Variants in DYSF observed in about 807,000 individuals in gnomAD.
DYSF encodes the protein dystrophy-associated fer-1-like 1.
DYSF carries 212 observed loss-of-function variants against 274.9 expected under a neutral mutation model. The observed-to-expected ratio is 0.77, with a 90% confidence interval of 0.69 to 0.86. DYSF has a LOEUF of 0.86. Ranked by LOEUF, DYSF falls within the 40% of genes least tolerant of loss-of-function variation. The pLI, the probability that DYSF is intolerant of heterozygous loss-of-function variation, is 0.00. For missense variants in DYSF, 2,666 were observed against 2,783.2 expected (o/e 0.96, Z 0.95); for synonymous variants, 1,091 against 1,078.7 (o/e 1.01, Z -0.22).
chr2:71,608,254 A>G (rs2093680980), intron 36 of DYSF, among the ~76,000 whole-genome samples: 1 of 145,984 alleles, frequency 6.9e-6, no homozygotes, highest in South Asian at 2.1e-4. Context: ...GAGCCTGCAG[A>G]GAGGAGGGCG....
intron 1 of DYSF, among the ~76,000 whole-genome samples, chr2:71,468,948 C>T (rs2081755029): frequency 6.6e-6 from 1 of 152,176 alleles, no homozygotes; most frequent in African/African-American, 2.4e-5. Flanking sequence ...TCCAGGTGTG[C>T]CTGGGAGCTT....
At chr2:71,590,154 A>G in intron 31 of DYSF, 57 bp from the exon 32 acceptor site, 1 of 1,585,674 alleles carries the variant, frequency 6.3e-7, no homozygotes, top group South Asian at 1.1e-5. Context: ...CCCGAGCCCC[A>G]GCTCTTAACC....
At chr2:71,577,937 G>A (rs898411305) in intron 30 of DYSF, among the ~76,000 whole-genome samples, 1 of 152,120 alleles carries the variant, frequency 6.6e-6, no homozygotes, top group Non-Finnish European at 1.5e-5. Context: ...TGGTGGGATG[G>A]GTGAGGCCTC....
Position 71,674,080 on chromosome 2 carries a change from C to T in DYSF, c.5785-117C>T. 4.6e-6 allele frequency: 4 copies of T among 872,988 alleles called. No individual in the cohort carries two copies. In the South Asian group the frequency reaches 5.7e-5, roughly 12 times the overall value. 54.1% of individuals were successfully genotyped at this position (872,988 alleles called of 1,614,324 possible). A position where few individuals can be genotyped will look rare whatever the true frequency, so the allele number is the denominator to read the frequency against. On this transcript the variant is annotated intron_variant, in intron 51 of 55. Coordinates refer to ENST00000410020, the MANE Select transcript of DYSF (RefSeq NM_001130987.2). ...CCCACAGGACCTGGCTCTGGCAGGT[C>T]CCTTGGGGACATCCTACTCCTCTGC...
chr2:71,497,380 G>T (rs2084509708), intron 3 of DYSF, among the ~76,000 whole-genome samples: 1 of 152,126 alleles, frequency 6.6e-6, no homozygotes. Flanking sequence ...GGGACCCAGT[G>T]GTAGGTAATT....
At chr2:71,645,163 C>T (rs2094547671) in intron 42 of DYSF, among the ~76,000 whole-genome samples, 3 of 152,224 alleles carry the variant, frequency 2.0e-5, no homozygotes. Context: ...TGCCTTATCA[C>T]AAGCACAGAG....
At chr2:71,674,158 T>A (rs1477065583) in intron 51 of DYSF, 39 bp from the exon 52 acceptor site, 1 of 1,592,466 alleles carries the variant, frequency 6.3e-7, no homozygotes, top group Admixed American at 1.7e-5. Context: ...TCTCTAACCT[T>A]GCTTCCTTGC....
intron 24 of DYSF, among the ~76,000 whole-genome samples, chr2:71,565,917 C>T (rs2092071579): frequency 6.6e-6 from 1 of 152,228 alleles, no homozygotes; most frequent in Admixed American, 6.5e-5. Context: ...AGCTCCCCTG[C>T]TCTATGCGTG....
At chr2:71,476,208 A>T (rs1453213011) in intron 1 of DYSF, among the ~76,000 whole-genome samples, 1 of 152,118 alleles carries the variant, frequency 6.6e-6, no homozygotes, top group African/African-American at 2.4e-5. Flanking sequence ...ATTTGTACTG[A>T]TGGTACAACA....
rs183385269 is a variant in DYSF at position 71,481,199 on chromosome 2, G to A, written c.147+261G>A. 1.7e-4 allele frequency among the ~76,000 whole-genome samples: 26 copies of A among 152,328 alleles called. 1 individual carries two copies. In the East Asian group the frequency reaches 4.1e-3, roughly 24 times the overall value. On this transcript the variant is annotated intron_variant, in intron 2 of 55. Coordinates refer to ENST00000410020, the MANE Select transcript of DYSF (RefSeq NM_001130987.2). ...CCCAGCTCTGGCCAGCCAGGTAAAG[G>A]GTGCTCAGGGACTCTCTTGCCTGCC...
At chr2:71,529,811 T>C (rs10171267) in intron 14 of DYSF, among the ~76,000 whole-genome samples, 10,823 of 152,306 alleles carry the variant, frequency 0.071, 542 homozygotes, top group African/African-American at 0.14. Flanking sequence ...ATTATCATTC[T>C]TTTTCTCTTG....
chr2:71,664,842 A>G (rs2094965709), intron 46 of DYSF, among the ~76,000 whole-genome samples: 1 of 152,188 alleles, frequency 6.6e-6, no homozygotes, highest in African/African-American at 2.4e-5. Context: ...GTGATGGTTT[A>G]TGTCAGGGGA....
intron 1 of DYSF, among the ~76,000 whole-genome samples, chr2:71,480,189 G>A (rs2082769124): frequency 6.6e-6 from 1 of 152,156 alleles, no homozygotes; most frequent in Non-Finnish European, 1.5e-5. Flanking sequence ...TTCTGGAGAT[G>A]GATGTTGTTC....
chr2:71,655,195 T>C (rs2094745605), intron 42 of DYSF, among the ~76,000 whole-genome samples: 1 of 152,102 alleles, frequency 6.6e-6, no homozygotes, highest in Non-Finnish European at 1.5e-5. Flanking sequence ...CAAAAGGACA[T>C]ATACCAAATG....
rs2094528303 is a variant in DYSF, at chr2:71,643,991, C to T, written c.4554C>T (p.Ser1518=). ...AGGAAGAGTTCATCGATTGGTGGAG[C>T]AAATTCTTTGCCTCCATAGGGGAGA... The part of the protein sequence containing the change: ...PHEEEFIDWW[S]KFFASIGERE... The change falls in exon 42 of 56, where the codon AGC becomes AGT. Residue 1518 remains serine, a synonymous_variant. Transcript: ENST00000410020. 1 of 1,611,980 alleles carries T rather than the reference C, an allele frequency of 6.2e-7. No homozygotes were observed. Among genetic ancestry groups the T allele is most frequent in the African/African-American group, 1.3e-5 (1 of 75,012 alleles).
At chr2:71,473,577 T>G (rs2082185650) in intron 1 of DYSF, among the ~76,000 whole-genome samples, 1 of 152,072 alleles carries the variant, frequency 6.6e-6, no homozygotes, top group African/African-American at 2.4e-5. Context: ...CTTCTCTCTG[T>G]CCCCTCTCTA....
At chr2:71,674,359 G>A (rs1184079151) in intron 52 of DYSF, 63 bp downstream of exon 52, 1 of 1,514,564 alleles carries the variant, frequency 6.6e-7, no homozygotes, top group Non-Finnish European at 9.2e-7. Flanking sequence ...CACACTGTGT[G>A]TTTATGCCAC....
chr2:71,623,095 A>C (rs2094139207), intron 41 of DYSF, among the ~76,000 whole-genome samples: 1 of 152,226 alleles, frequency 6.6e-6, no homozygotes, highest in Non-Finnish European at 1.5e-5. Flanking sequence ...ATAGTTTACT[A>C]CAGTTGCAGC....
chr2:71,589,553 C>T (rs749920175), intron 30 of DYSF, 40 bp from the exon 31 acceptor site: 52 of 1,579,392 alleles, frequency 3.3e-5, no homozygotes, highest in Non-Finnish European at 4.1e-5. Context: ...ACCCCCAGGC[C>T]TGGGGGCAGA....
Sources: gnomAD v4.1 joint callset for allele counts (sites outside exome capture counted in the v4.1 genomes callset) on GRCh38, gnomAD v4.1.1 for gene constraint, MANE v1.5 for transcripts, NCBI Gene and HGNC (gene_info 2026-07-23, HGNC 2026-07-21) for gene names.